Variants in SPECC1L observed in about 807,000 individuals in gnomAD.
SPECC1L encodes cytospin-A.
SPECC1L carries 40 observed loss-of-function variants against 116.8 expected under a neutral mutation model. The ratio of observed to expected loss-of-function variants is 0.34; its 90% CI spans 0.27 to 0.45. The LOEUF is 0.45. SPECC1L is among the 20% of genes least tolerant of loss of function. SPECC1L has a pLI of 1.00. For missense variants in SPECC1L, 1,110 were observed against 1,373.6 expected, an observed-to-expected ratio of 0.81 and a Z score of 3.03; for synonymous variants, 504 against 500.6, an observed-to-expected ratio of 1.01 and a Z score of -0.09.
intron 3 of SPECC1L, among the ~76,000 whole-genome samples, chr22:24,303,294 C>T (rs2049419382): frequency 6.6e-6 from 1 of 152,182 alleles, no homozygotes; most frequent in African/African-American, 2.4e-5. Context: ...CAGGCTTATT[C>T]CCTTGGCTCG....
At chr22:24,370,467 TG>T (rs1428898061) in intron 14 of SPECC1L, among the ~76,000 whole-genome samples, 3 of 152,238 alleles carry the variant, frequency 2.0e-5, no homozygotes, top group Non-Finnish European at 2.9e-5. Context: ...GCTTATGTTT[TG>T]TTGGAGGGGA....
chr22:24,371,856 G>A (rs988472527), intron 14 of SPECC1L, among the ~76,000 whole-genome samples: 5 of 152,142 alleles, frequency 3.3e-5, no homozygotes, highest in African/African-American at 1.2e-4. Context: ...CAAGTAGCTG[G>A]GATTACAAAC....
intron 9 of SPECC1L, among the ~76,000 whole-genome samples, chr22:24,337,082 T>G (rs903681399): frequency 4.6e-5 from 7 of 152,186 alleles, no homozygotes; most frequent in African/African-American, 1.4e-4. Flanking sequence ...TATGATGGGT[T>G]TATCAGGACA....
intron 1 of SPECC1L, among the ~76,000 whole-genome samples, chr22:24,271,614 T>A (rs993547590): frequency 2.0e-5 from 3 of 152,236 alleles, no homozygotes; most frequent in Non-Finnish European, 4.4e-5. Context: ...TGTATTACCT[T>A]AAGTAGTTAA....
intron 11 of SPECC1L, among the ~76,000 whole-genome samples, chr22:24,359,090 C>A (rs2146607575): frequency 6.6e-6 from 1 of 152,234 alleles, no homozygotes; most frequent in Admixed American, 6.5e-5. Flanking sequence ...ATACATCTTT[C>A]CTTTGTTAAG....
At chr22:24,343,028 A>G (rs567333252) in intron 10 of SPECC1L, among the ~76,000 whole-genome samples, 5 of 152,072 alleles carry the variant, frequency 3.3e-5, no homozygotes, top group East Asian at 3.9e-4. Flanking sequence ...CCCTGTCTCT[A>G]CTAAAAATAC....
At chr22:24,286,950 T>C (rs1390448672) in intron 2 of SPECC1L, among the ~76,000 whole-genome samples, 2 of 152,210 alleles carry the variant, frequency 1.3e-5, no homozygotes, top group African/African-American at 4.8e-5. Context: ...GAATTTCAGA[T>C]AAATAGTGAT....
At chr22:24,382,560 G>C (rs1361923917) in intron 14 of SPECC1L, among the ~76,000 whole-genome samples, 1 of 151,924 alleles carries the variant, frequency 6.6e-6, no homozygotes, top group East Asian at 1.9e-4. Context: ...AAAATGAGCT[G>C]GGTACAGTGA....
chr22:24,294,925 T>A (rs984696553), intron 2 of SPECC1L, among the ~76,000 whole-genome samples: 3 of 152,200 alleles, frequency 2.0e-5, no homozygotes, highest in Non-Finnish European at 4.4e-5. Flanking sequence ...TCCAAGATAT[T>A]TTTCATTTCT....
chr22:24,391,874 G>A (rs950650348), intron 14 of SPECC1L, among the ~76,000 whole-genome samples: 1 of 152,246 alleles, frequency 6.6e-6, no homozygotes, highest in Non-Finnish European at 1.5e-5. Flanking sequence ...AAAACCTGCC[G>A]AATGTAATAA....
At chr22:24,412,882 G>C (rs1351938531) in intron 16 of SPECC1L, among the ~76,000 whole-genome samples, 175 bp downstream of exon 16, 1 of 151,426 alleles carries the variant, frequency 6.6e-6, no homozygotes, top group Non-Finnish European at 1.5e-5. Flanking sequence ...TGCAGATGTG[G>C]GATCTTGTGT....
intron 3 of SPECC1L, among the ~76,000 whole-genome samples, chr22:24,309,541 C>T (rs2040418875): frequency 6.6e-6 from 1 of 152,134 alleles, no homozygotes; most frequent in Non-Finnish European, 1.5e-5. Context: ...GCTGGGGTTA[C>T]AGGCACATGC....
intron 3 of SPECC1L, among the ~76,000 whole-genome samples, chr22:24,310,445 A>G (rs1475496849): frequency 6.6e-6 from 1 of 152,258 alleles, no homozygotes; most frequent in East Asian, 1.9e-4. Context: ...GATTCCTTTC[A>G]TAAGGCTTAT....
At chr22:24,294,918 A>C (rs1601509702) in intron 2 of SPECC1L, among the ~76,000 whole-genome samples, 1 of 152,214 alleles carries the variant, frequency 6.6e-6, no homozygotes, top group African/African-American at 2.4e-5. Flanking sequence ...AATGGCTTCC[A>C]AGATATTTTT....
intron 9 of SPECC1L, 61 bp from the exon 10 acceptor site, chr22:24,338,325 G>A (rs1253332931): frequency 6.6e-7 from 1 of 1,521,712 alleles, no homozygotes; most frequent in African/African-American, 1.4e-5. Context: ...CTTAAGTGGA[G>A]ACCAGTTAAG....
At chr22:24,302,825 G>A (rs2049407912) in intron 3 of SPECC1L, among the ~76,000 whole-genome samples, 1 of 152,154 alleles carries the variant, frequency 6.6e-6, no homozygotes, top group South Asian at 2.1e-4. Context: ...AAAAGGTCAT[G>A]TGAGCCAAGT....
intron 4 of SPECC1L, among the ~76,000 whole-genome samples, chr22:24,317,981 G>A (rs200828450): frequency 0.035 from 5,296 of 149,562 alleles, 208 homozygotes; most frequent in South Asian, 0.11. Context: ...GGGAAGAGGC[G>A]CTCCTCACTT....
intron 14 of SPECC1L, among the ~76,000 whole-genome samples, chr22:24,401,751 G>T (rs1205060750): frequency 1.3e-5 from 2 of 152,132 alleles, no homozygotes; most frequent in Non-Finnish European, 2.9e-5. Flanking sequence ...TTTTCAAATG[G>T]TGAGCCTTCC....
chr22:24,385,191 G>A (rs1252617624), intron 14 of SPECC1L, among the ~76,000 whole-genome samples: 2 of 151,704 alleles, frequency 1.3e-5, no homozygotes, highest in East Asian at 1.9e-4. Context: ...CTTTTTCAGT[G>A]TGGCTATAAT....
Sources: allele counts gnomAD v4.1 joint callset (sites outside exome capture counted in the v4.1 genomes callset), GRCh38; gene constraint gnomAD v4.1.1; transcripts MANE v1.5; gene names NCBI Gene and HGNC (gene_info 2026-07-23, HGNC 2026-07-21).